The following ENTREP2 variants were observed in gnomAD, a reference collection of about 807,000 sequenced individuals.
The protein encoded by ENTREP2 is endosomal transmembrane epsin interactor 2, also known as protein ENTREP2.
chr15:29,411,962 C>G, the ENTREP2 span, among the ~76,000 whole-genome samples: 1 of 152,190 alleles, frequency 6.6e-6, no homozygotes, highest in Non-Finnish European at 1.5e-5. Flanking sequence ...TGCACCTACA[C>G]TTACTGTCTA....
At chr15:29,131,612 GCCCGACAA>G in the ENTREP2 span, among the ~76,000 whole-genome samples, 1 of 21,710 alleles carries the variant, frequency 4.6e-5, no homozygotes, top group Non-Finnish European at 1.0e-4. Flanking sequence ...ACACACCCCA[GCCCGACAA>G]GCCCCCCCAT....
the ENTREP2 span, among the ~76,000 whole-genome samples, chr15:29,563,694 G>A: frequency 6.6e-6 from 1 of 152,072 alleles, no homozygotes; most frequent in East Asian, 1.9e-4. Flanking sequence ...AGCTGGGTGT[G>A]GTGGAAAGCA....
the ENTREP2 span, among the ~76,000 whole-genome samples, chr15:29,482,643 G>T: frequency 6.6e-6 from 1 of 152,152 alleles, no homozygotes; most frequent in East Asian, 1.9e-4. Context: ...TTAATTTAAA[G>T]TTCCAGATCT....
the ENTREP2 span, among the ~76,000 whole-genome samples, chr15:29,530,371 T>G: frequency 1.3e-5 from 2 of 152,012 alleles, no homozygotes; most frequent in African/African-American, 4.8e-5. Flanking sequence ...ATGCAAGGAG[T>G]GTTAACCTTT....
chr15:29,286,642 G>A, the ENTREP2 span, among the ~76,000 whole-genome samples: 10 of 152,296 alleles, frequency 6.6e-5, no homozygotes, highest in East Asian at 1.2e-3. Flanking sequence ...CTCTGGCCAC[G>A]GTCCCCACTG....
the ENTREP2 span, among the ~76,000 whole-genome samples, chr15:29,118,724 C>T: frequency 4.6e-5 from 7 of 152,234 alleles, no homozygotes; most frequent in Admixed American, 6.5e-5. Flanking sequence ...AAAGCCGGAC[C>T]GCCCATCCCA....
At chr15:29,259,055 A>G in the ENTREP2 span, among the ~76,000 whole-genome samples, 1 of 152,242 alleles carries the variant, frequency 6.6e-6, no homozygotes, top group Non-Finnish European at 1.5e-5. Context: ...GAACACTTGT[A>G]GCATCCAGAG....
the ENTREP2 span, among the ~76,000 whole-genome samples, chr15:29,318,999 A>G: frequency 6.6e-6 from 1 of 152,224 alleles, no homozygotes; most frequent in Non-Finnish European, 1.5e-5. Context: ...AAAAGCAACG[A>G]TTAACTGTAT....
At chr15:29,624,328 C>CGT in the ENTREP2 span, among the ~76,000 whole-genome samples, 5,574 of 151,644 alleles carry the variant, frequency 0.037, 142 homozygotes, top group East Asian at 0.098. Flanking sequence ...CACACATGCA[C>CGT]GTGCGCACAC....
the ENTREP2 span, among the ~76,000 whole-genome samples, chr15:29,490,345 G>A: frequency 2.6e-5 from 4 of 152,186 alleles, no homozygotes; most frequent in Admixed American, 6.5e-5. Flanking sequence ...AGTGAGCAGT[G>A]GCAAGATTTA....
chr15:29,506,359 A>C, the ENTREP2 span, among the ~76,000 whole-genome samples: 2,057 of 152,284 alleles, frequency 0.014, 39 homozygotes, highest in African/African-American at 0.047. Flanking sequence ...GGAGAATTTC[A>C]CCAACCTAGC....
At chr15:29,368,943 C>A in the ENTREP2 span, among the ~76,000 whole-genome samples, 5 of 151,928 alleles carry the variant, frequency 3.3e-5, no homozygotes, top group East Asian at 9.7e-4. Context: ...ATAAAAAACT[C>A]TCTATAGGGG....
At chr15:29,664,661 C>T in the ENTREP2 span, among the ~76,000 whole-genome samples, 1 of 152,214 alleles carries the variant, frequency 6.6e-6, no homozygotes, top group East Asian at 1.9e-4. Flanking sequence ...GGGCAGACTC[C>T]CTAAAATGTG....
chr15:29,297,555 G>A, the ENTREP2 span, among the ~76,000 whole-genome samples: 2 of 152,160 alleles, frequency 1.3e-5, no homozygotes, highest in African/African-American at 4.8e-5. Flanking sequence ...GCAACCTTCA[G>A]TGTATTAATG....
At chr15:29,195,875 A>G in the ENTREP2 span, among the ~76,000 whole-genome samples, 1 of 152,356 alleles carries the variant, frequency 6.6e-6, no homozygotes, top group Admixed American at 6.5e-5. Context: ...CAGGGGAAAC[A>G]GAAGAATTGG....
the ENTREP2 span, among the ~76,000 whole-genome samples, chr15:29,138,702 CGTGTGT>C: frequency 0.036 from 5,323 of 149,186 alleles, 128 homozygotes; most frequent in Non-Finnish European, 0.054. Context: ...TGTGTGTATG[CGTGTGT>C]GTGTGTGTGT....
At chr15:29,269,759 GGA>G in the ENTREP2 span, 1 of 1,407,806 alleles carries the variant, frequency 7.1e-7, no homozygotes. Flanking sequence ...GCCGCGGCGG[GGA>G]TTGCGGGTCG....
chr15:29,198,453 T>G, the ENTREP2 span, among the ~76,000 whole-genome samples: 1 of 152,262 alleles, frequency 6.6e-6, no homozygotes, highest in Non-Finnish European at 1.5e-5. Context: ...GAATTCAGGC[T>G]AATCCACATC....
At chr15:29,279,514 G>A in the ENTREP2 span, among the ~76,000 whole-genome samples, 1,720 of 152,016 alleles carry the variant, frequency 0.011, 41 homozygotes, top group African/African-American at 0.039. Flanking sequence ...ACATGCGCAC[G>A]CCACCACACT....
Sources: gnomAD v4.1 joint callset for allele counts (sites outside exome capture counted in the v4.1 genomes callset) on GRCh38, gnomAD v4.1.1 for gene constraint, MANE v1.5 for transcripts, NCBI Gene and HGNC (gene_info 2026-07-23, HGNC 2026-07-21) for gene names.